Variants in BMP1 observed in about 807,000 individuals in gnomAD.
BMP1 encodes the protein bone morphogenetic protein 1, also known as mammalian tolloid protein.
In BMP1, 63 loss-of-function variants were observed where a neutral mutation model predicts 116.8. That is an observed-to-expected ratio of 0.54 (90% CI 0.44 to 0.67). The LOEUF is 0.67. Ranked by LOEUF, BMP1 falls within the 30% of genes least tolerant of loss-of-function variation. The probability of loss-of-function intolerance (pLI) is 0.00; values close to 1 mark genes in which losing one functional copy is unlikely to be tolerated. For synonymous variants in BMP1, 536 were observed against 533.4 expected (o/e 1.00, Z -0.07); for missense variants, 1,183 against 1,358.9 (o/e 0.87, Z 2.04).
Position 22,177,025 on chromosome 8 carries a change from G to C in BMP1, c.616G>C (p.Asp206His). ...GGCCATCTCCATCGGCAAGAACTGT[G>C]ACAAGTTCGGCATTGTGGTCCACGA... ...PQAISIGKNC[D>H]KFGIVVHELG... Residue 206 changes from aspartate (D) to histidine (H), a missense_variant, in exon 5 of 20, where the codon GAC becomes CAC. Asp to His is a moderately conservative substitution (Grantham distance 81). Coordinates refer to ENST00000306385, the MANE Select transcript of BMP1 (RefSeq NM_006129.5). The C allele has an allele frequency of 6.2e-7, 1 of 1,613,010 alleles. No individual in the cohort carries two copies. Among genetic ancestry groups the C allele is most frequent in the African/African-American group, 1.3e-5 (1 of 75,042 alleles).
At chr8:22,207,103 T>C in intron 17 of BMP1, 122 bp downstream of exon 17, 1 of 1,485,840 alleles carries the variant, frequency 6.7e-7, no homozygotes, top group Admixed American at 2.2e-5. Flanking sequence ...ACCCCAAGTC[T>C]GGCCTGGACA....
At chr8:22,168,797 G>A (rs901047151) in intron 1 of BMP1, among the ~76,000 whole-genome samples, 27 of 152,290 alleles carry the variant, frequency 1.8e-4, no homozygotes, top group Non-Finnish European at 3.2e-4. Flanking sequence ...GCCGCAAGGG[G>A]TGAGGAAAAA....
At chr8:22,185,327 C>CTG (rs1586450096) in intron 8 of BMP1, among the ~76,000 whole-genome samples, 1 of 151,968 alleles carries the variant, frequency 6.6e-6, no homozygotes, top group East Asian at 1.9e-4. Flanking sequence ...TGGTGCATGC[C>CTG]TGTAGTCCCA....
In BMP1 at chr8:22,179,751, G is replaced by T. The variant is rs775941048; in HGVS notation, c.883G>T (p.Val295Leu). The T allele has an allele frequency of 8.7e-6, 14 of 1,614,030 alleles. No individual in the cohort carries two copies. In the South Asian group the frequency reaches 1.4e-4, roughly 16 times the overall value. The stretch of plus-strand genomic sequence containing the variant: ...TGTCCCCAAGTATGAGGTGAACGGG[G>T]TGAAACCTCCCATTGGCCAAAGGAC... ...TIVPKYEVNGVKPPIGQRTRL... is the reference protein window; with the variant it reads ...TIVPKYEVNGLKPPIGQRTRL... The change falls in exon 7 of 20, where the codon GTG becomes TTG. Residue 295 changes from valine to leucine, a missense_variant. Transcript: ENST00000306385. The surrounding 1 kb of genome is among the most constrained non-coding windows in gnomAD (Gnocchi z 4.6).
intron 16 of BMP1, among the ~76,000 whole-genome samples, chr8:22,205,515 C>A (rs1263041193): frequency 2.0e-5 from 3 of 152,172 alleles, no homozygotes; most frequent in Admixed American, 6.5e-5. Context: ...TGGCTCATGC[C>A]TGTGACCCTA....
At chr8:22,195,728 C>A (rs762914297) in intron 13 of BMP1, 141 bp downstream of exon 13, 337 of 1,212,492 alleles carry the variant, frequency 2.8e-4, no homozygotes, top group Non-Finnish European at 3.5e-4. Context: ...CTCACCATAG[C>A]CTCCCATTCC....
At chr8:22,209,072 T>C (rs571302132) in intron 18 of BMP1, among the ~76,000 whole-genome samples, 1 of 152,366 alleles carries the variant, frequency 6.6e-6, no homozygotes, top group East Asian at 1.9e-4. Flanking sequence ...AAAACCCAGA[T>C]GTACGGCTTC....
chr8:22,169,389 T>G (rs1828212216), intron 1 of BMP1: 1 of 152,184 alleles, frequency 6.6e-6, no homozygotes, highest in African/African-American at 2.4e-5. Context: ...CCCTTGTCCT[T>G]TGGGGAGTGT....
chr8:22,192,000 G>A, intron 8 of BMP1, 49 bp from the exon 9 acceptor site: 1 of 1,503,948 alleles, frequency 6.6e-7, no homozygotes, highest in Non-Finnish European at 9.2e-7. Context: ...GCAGAGGGCT[G>A]GTGCAATGTT....
intron 15 of BMP1, chr8:22,201,303 G>A (rs1586469246): frequency 4.6e-6 from 7 of 1,513,090 alleles, no homozygotes; most frequent in South Asian, 1.3e-5. Context: ...CCTCCACTCT[G>A]CCATTCCGGC....
chr8:22,177,474 A>C (rs1828480330), intron 5 of BMP1: 1 of 696,088 alleles, frequency 1.4e-6, no homozygotes, highest in Non-Finnish European at 2.7e-6. Flanking sequence ...TTTGCCCACT[A>C]TCTGCCCTCT....
At chr8:22,186,777 A>G (rs1018815286) in intron 8 of BMP1, among the ~76,000 whole-genome samples, 2 of 151,916 alleles carry the variant, frequency 1.3e-5, no homozygotes, top group Non-Finnish European at 2.9e-5. Flanking sequence ...TTCCCCAACT[A>G]TAAAATGAGC....
At chr8:22,209,915 G>T (rs557071172) in intron 19 of BMP1, among the ~76,000 whole-genome samples, 1 of 152,258 alleles carries the variant, frequency 6.6e-6, no homozygotes, top group Non-Finnish European at 1.5e-5. Context: ...TCCTTTCTGG[G>T]CAACCTAGAA....
chr8:22,193,083 C>T (rs1039794804), intron 9 of BMP1, among the ~76,000 whole-genome samples: 4 of 152,218 alleles, frequency 2.6e-5, no homozygotes, highest in African/African-American at 9.6e-5. Flanking sequence ...TGGGCCAGCA[C>T]CCTCTGTCCC....
chr8:22,182,605 TA>T (rs1828655376), intron 8 of BMP1, among the ~76,000 whole-genome samples: 1 of 152,360 alleles, frequency 6.6e-6, no homozygotes, highest in Admixed American at 6.5e-5. Context: ...AAACCCCTTT[TA>T]AAAGGAAGAC....
chr8:22,209,349 C>T, intron 18 of BMP1, 96 bp from the exon 19 acceptor site: 4 of 1,538,330 alleles, frequency 2.6e-6, no homozygotes, highest in Admixed American at 4.0e-5. Flanking sequence ...TCACCCAGGC[C>T]TCCATCCTGC....
In BMP1 at chr8:22,176,142, G is replaced by A. The variant is rs1442644676; in HGVS notation, c.263-1G>A. On this transcript the variant is annotated splice_acceptor_variant, in intron 2 of 19. Transcript: ENST00000306385. LOFTEE classifies it high-confidence loss of function. ...CTAGTCACCATGACTTCCTCTCTCA[G>A]TTCCAGGAAACACTTCTACCCCCAG... is the stretch of plus-strand genomic sequence containing the variant. 5 of 1,614,012 alleles carry A rather than the reference G, an allele frequency of 3.1e-6. No individual in the cohort carries two copies. Among genetic ancestry groups the A allele is most frequent in the Non-Finnish European group, 4.2e-6 (5 of 1,179,982 alleles).
At chr8:22,207,234 G>T in intron 17 of BMP1, 69 bp from the exon 18 acceptor site, 1 of 1,524,836 alleles carries the variant, frequency 6.6e-7, no homozygotes, top group South Asian at 1.2e-5. Context: ...CTAGGTTTGG[G>T]GCCCTCATCC....
At chr8:22,167,906 C>T (rs554565483) in intron 1 of BMP1, among the ~76,000 whole-genome samples, 5 of 152,162 alleles carry the variant, frequency 3.3e-5, no homozygotes, top group African/African-American at 4.8e-5. Context: ...CTGTTCTCCA[C>T]GTTTCCTTCT....
Sources: gnomAD v4.1 joint callset for allele counts (sites outside exome capture counted in the v4.1 genomes callset) on GRCh38, gnomAD v4.1.1 for gene constraint, Gnocchi (gnomAD v3.1) non-coding constraint, MANE v1.5 for transcripts, NCBI Gene and HGNC (gene_info 2026-07-23, HGNC 2026-07-21) for gene names.